WBP4: variants seen among roughly 807,000 people sequenced by gnomAD.
WBP4 encodes the protein WW domain binding protein 4, also known as WW domain-binding protein 4.
A neutral mutation model predicts 55.4 loss-of-function variants in WBP4; 37 were observed. That is an observed-to-expected ratio of 0.67 (90% CI 0.51 to 0.88). The LOEUF is 0.88. WBP4 is among the 40% of genes least tolerant of loss of function. The probability of loss-of-function intolerance (pLI) is 0.00; values close to 1 mark genes in which losing one functional copy is unlikely to be tolerated. For synonymous variants in WBP4, 142 were observed against 140.2 expected, an observed-to-expected ratio of 1.01 and a Z score of -0.09; for missense variants, 398 against 420.8, an observed-to-expected ratio of 0.95 and a Z score of 0.47.
intron 9 of WBP4, among the ~76,000 whole-genome samples, chr13:41,082,362 C>T (rs903431450): frequency 1.4e-4 from 21 of 152,248 alleles, no homozygotes; most frequent in Admixed American, 1.4e-3. Context: ...GATCCTCCTG[C>T]CTCGGCCTCT....
rs376702562 is a variant in WBP4 at position 41,083,677 on chromosome 13, T to G, written c.*763T>G. 13 of 152,360 alleles carry G rather than the reference T, an allele frequency of 8.5e-5. No individual in the cohort carries two copies. The East Asian group carries it at 2.5e-3, about 29-fold the overall frequency. 9.4% of individuals were successfully genotyped at this position (152,360 alleles called of 1,614,324 possible). On this transcript the variant is annotated 3_prime_UTR_variant, in exon 10 of 10. Transcript: ENST00000379487. ...TCATGCACTCTTTTTAGCAGTCTTA[T>G]ATGTACTAGAAAAGATTTTTTAAAG...
chr13:41,078,695 C>T (rs181919667), intron 8 of WBP4, among the ~76,000 whole-genome samples: 209 of 152,140 alleles, frequency 1.4e-3, no homozygotes, highest in African/African-American at 4.7e-3. Context: ...GGTGTCCTGG[C>T]GCATGCCTGT....
rs1485380100 is a variant in WBP4, at chr13:41,082,783, A to G, written c.1000A>G (p.Lys334Glu). ...TSEADGGGEPKVVFKEKTVTS... is the reference protein window; with the variant it reads ...TSEADGGGEPEVVFKEKTVTS... ...AGAAGCTGATGGTGGCGGAGAACCC[A>G]AAGTGGTATTTAAAGAAAAAACAGT... The change falls in exon 10 of 10, where the codon AAA becomes GAA. Residue 334 changes from lysine (K) to glutamate (E), a missense_variant. By Grantham distance (56) the Lys-to-Glu change is moderately conservative. Coordinates refer to ENST00000379487, the MANE Select transcript of WBP4 (RefSeq NM_007187.5). 2 of 1,614,176 alleles carry G rather than the reference A, an allele frequency of 1.2e-6. No homozygotes were observed. The highest frequency in any genetic ancestry group is 1.7e-6 in the Non-Finnish European group (2 of 1,180,022).
intron 1 of WBP4, 43 bp downstream of exon 1, chr13:41,061,718 C>T (rs370493373): frequency 3.8e-5 from 61 of 1,612,982 alleles, no homozygotes; most frequent in East Asian, 1.1e-4. Context: ...TGTTGTTTCT[C>T]TGGGCCGCCC....
intron 9 of WBP4, among the ~76,000 whole-genome samples, chr13:41,082,007 ACTAT>A (rs1200419093): frequency 1.2e-4 from 19 of 152,130 alleles, no homozygotes; most frequent in Non-Finnish European, 2.4e-4. Flanking sequence ...AGACCAGTTG[ACTAT>A]CTAGGGAGTA....
At chr13:41,071,626 T>G (rs1878249965) in intron 6 of WBP4, 53 bp downstream of exon 6, 1 of 1,520,812 alleles carries the variant, frequency 6.6e-7, no homozygotes. Flanking sequence ...AGTGATTCGT[T>G]TCTTAGGTTT....
At chr13:41,063,835 G>A (rs181433976) in intron 2 of WBP4, among the ~76,000 whole-genome samples, 1 of 152,210 alleles carries the variant, frequency 6.6e-6, no homozygotes, top group East Asian at 1.9e-4. Flanking sequence ...GCTTTACAAA[G>A]TCACACTTTA....
intron 9 of WBP4, among the ~76,000 whole-genome samples, chr13:41,081,860 T>C (rs1445235009): frequency 2.0e-5 from 3 of 152,178 alleles, no homozygotes; most frequent in Non-Finnish European, 4.4e-5. Context: ...AGAGCTCCAT[T>C]CTCCAAATAG....
chr13:41,070,067 CGACA>C (rs1188560370), intron 5 of WBP4, among the ~76,000 whole-genome samples: 2 of 151,722 alleles, frequency 1.3e-5, no homozygotes, highest in Non-Finnish European at 2.9e-5. Context: ...TAAAATTTAG[CGACA>C]AATAAATAAG....
chr13:41,082,890 A>G lies in WBP4; in HGVS notation c.1107A>G (p.Leu369=). Residue 369 remains leucine (L), a synonymous_variant, in exon 10 of 10, where the codon TTA becomes TTG. Transcript: ENST00000379487. ...CTGAAAATGGAAAATCTAGAAATTT[A>G]AGGCAACGAGGTGATGATCAATAGT... ...RRTENGKSRN[L]RQRGDDQ 4 of 1,614,100 alleles carry G rather than the reference A, an allele frequency of 2.5e-6. No individual in the cohort carries two copies. The highest frequency in any genetic ancestry group is 3.4e-6 in the Non-Finnish European group (4 of 1,179,986).
At chr13:41,065,875 C>A (rs1877951392) in intron 4 of WBP4, among the ~76,000 whole-genome samples, 2 of 152,124 alleles carry the variant, frequency 1.3e-5, no homozygotes, top group South Asian at 4.1e-4. Context: ...ATAATTCTTC[C>A]ATATCAAATC....
Position 41,071,591 on chromosome 13 carries a change from A to C in WBP4, c.486+18A>C. ...TAAAAAAGGTAATTGAAGCATATTA[A>C]TAGTGTTTTTGTTTTATTCTTTACA... On this transcript the variant is annotated intron_variant, in intron 6 of 9. Transcript: ENST00000379487. The C allele has an allele frequency of 6.3e-7, 1 of 1,597,848 alleles. No homozygotes were observed.
At chr13:41,067,400 G>A (rs1245988253) in intron 4 of WBP4, among the ~76,000 whole-genome samples, 2 of 152,140 alleles carry the variant, frequency 1.3e-5, no homozygotes, top group Non-Finnish European at 2.9e-5. Context: ...ATGTTAATTG[G>A]CCAGGTGCCG....
intron 4 of WBP4, among the ~76,000 whole-genome samples, chr13:41,067,607 G>A (rs572907746): frequency 5.3e-5 from 8 of 152,150 alleles, no homozygotes; most frequent in Non-Finnish European, 1.2e-4. Flanking sequence ...GATTGCTTGA[G>A]CTGAGAAGTT....
intron 4 of WBP4, 33 bp downstream of exon 4, chr13:41,065,320 A>G (rs369232915): frequency 7.1e-5 from 110 of 1,540,950 alleles, no homozygotes; most frequent in Middle Eastern, 1.9e-4. Context: ...AGCAGCCAGC[A>G]TGTTTTAAAA....
chr13:41,078,770 T>C (rs987146613), intron 8 of WBP4, among the ~76,000 whole-genome samples: 3 of 151,600 alleles, frequency 2.0e-5, no homozygotes, highest in Non-Finnish European at 2.9e-5. Context: ...GAGGTTGCAG[T>C]GAGCTAAGAT....
Position 41,076,199 on chromosome 13 carries a change from G to T in WBP4, c.718G>T (p.Val240Phe), listed in dbSNP as rs201128043. 6.2e-7 allele frequency: 1 copy of T among 1,609,816 alleles called. No homozygotes were observed. The highest frequency in any genetic ancestry group is 1.3e-5 in the African/African-American group (1 of 74,104). Residue 240 changes from valine to phenylalanine, a missense_variant, in exon 8 of 10, where the codon GTC becomes TTC. Physicochemically the swap from Val to Phe is conservative, Grantham distance 50. Transcript: ENST00000379487. ...DGEQEAEEGGVSTETEKPKIK... is the reference protein window; with the variant it reads ...DGEQEAEEGGFSTETEKPKIK... ...GGAACAGGAAGCAGAAGAAGGAGGG[G>T]TCTCTACAGAGACAGAAAAGCCAAA...
intron 6 of WBP4, among the ~76,000 whole-genome samples, chr13:41,072,045 CA>C (rs560903455): frequency 0.03 from 1,502 of 50,790 alleles, 18 homozygotes; most frequent in African/African-American, 0.075. Flanking sequence ...GACTCCGTCT[CA>C]AAAAAAAAAA....
chr13:41,062,806 T>C (rs878861216), intron 2 of WBP4, 90 bp downstream of exon 2: 15 of 1,117,440 alleles, frequency 1.3e-5, no homozygotes, highest in Non-Finnish European at 1.8e-5. Context: ...CAAAGCACTT[T>C]TATGTACATT....
Sources: allele counts gnomAD v4.1 joint callset (sites outside exome capture counted in the v4.1 genomes callset), GRCh38; gene constraint gnomAD v4.1.1; transcripts MANE v1.5; gene names NCBI Gene and HGNC (gene_info 2026-07-23, HGNC 2026-07-21).